Variants in ADAMTSL1 observed in about 807,000 individuals in gnomAD.
ADAMTSL1 encodes ADAMTS-like protein 1.
A neutral mutation model predicts 201.8 loss-of-function variants in ADAMTSL1; 126 were observed. The observed-to-expected ratio is 0.62, with a 90% CI of 0.54 to 0.72. The LOEUF is 0.72. ADAMTSL1 is among the 30% of genes least tolerant of loss of function. The pLI, the probability that ADAMTSL1 is intolerant of heterozygous loss-of-function variation, is 0.00. For synonymous variants in ADAMTSL1, 1,121 were observed against 903.4 expected, an observed-to-expected ratio of 1.24 and a Z score of -4.32; for missense variants, 2,679 against 2,277.8, an observed-to-expected ratio of 1.18 and a Z score of -3.59.
chr9:18,047,588 C>A (rs1184099661), intron 1 of ADAMTSL1, among the ~76,000 whole-genome samples: 1 of 151,802 alleles, frequency 6.6e-6, no homozygotes, highest in South Asian at 2.1e-4. Context: ...AAAGAGGGGG[C>A]ATTTGTTGGC....
chr9:18,647,531 T>C (rs1052225518), intron 7 of ADAMTSL1, among the ~76,000 whole-genome samples: 22 of 152,230 alleles, frequency 1.4e-4, no homozygotes, highest in South Asian at 4.1e-4. Context: ...TTTAGTGCTA[T>C]GAATTTCCCT....
intron 1 of ADAMTSL1, among the ~76,000 whole-genome samples, chr9:18,031,557 C>G (rs1363136267): frequency 6.6e-6 from 1 of 152,136 alleles, no homozygotes; most frequent in African/African-American, 2.4e-5. Context: ...AGCAGATGGT[C>G]TCTTACATAC....
intron 19 of ADAMTSL1, among the ~76,000 whole-genome samples, chr9:18,783,318 G>A (rs541946582): frequency 3.9e-4 from 59 of 152,162 alleles, no homozygotes; most frequent in African/African-American, 1.3e-3. Context: ...GATTGAAGAG[G>A]GATTCAAAAA....
chr9:18,324,203 ATGG>A (rs1834734187), intron 2 of ADAMTSL1, among the ~76,000 whole-genome samples: 1 of 152,194 alleles, frequency 6.6e-6, no homozygotes. Flanking sequence ...AGTTAATGCA[ATGG>A]GGAAAAGAAA....
intron 2 of ADAMTSL1, among the ~76,000 whole-genome samples, chr9:18,302,414 G>C (rs1833741800): frequency 6.6e-6 from 1 of 152,174 alleles, no homozygotes; most frequent in Non-Finnish European, 1.5e-5. Context: ...AAAAAGTTGA[G>C]TGCTGTTGCA....
intron 2 of ADAMTSL1, among the ~76,000 whole-genome samples, chr9:18,200,033 A>G (rs1022596293): frequency 2.0e-4 from 30 of 152,058 alleles, no homozygotes; most frequent in Admixed American, 6.6e-5. Context: ...GCTCTTAGCT[A>G]AACTTCCCCA....
At chr9:18,174,338 T>C (rs1382032594) in intron 2 of ADAMTSL1, among the ~76,000 whole-genome samples, 1 of 152,126 alleles carries the variant, frequency 6.6e-6, no homozygotes, top group Non-Finnish European at 1.5e-5. Context: ...CATCCATCAG[T>C]AGTTGAAGGC....
At chr9:18,071,077 G>C (rs1822942105) in intron 1 of ADAMTSL1, among the ~76,000 whole-genome samples, 1 of 152,176 alleles carries the variant, frequency 6.6e-6, no homozygotes, top group South Asian at 2.1e-4. Flanking sequence ...CAAAGATCAA[G>C]AATATATGGA....
At chr9:18,697,847 G>A (rs1452243432) in intron 13 of ADAMTSL1, among the ~76,000 whole-genome samples, 1 of 152,142 alleles carries the variant, frequency 6.6e-6, no homozygotes, top group African/African-American at 2.4e-5. Flanking sequence ...GAAATCAGGA[G>A]TTCCATTATG....
At chr9:18,156,517 T>C (rs1035726716) in intron 1 of ADAMTSL1, among the ~76,000 whole-genome samples, 3 of 152,040 alleles carry the variant, frequency 2.0e-5, no homozygotes, top group African/African-American at 7.2e-5. Context: ...CATTTTTATG[T>C]TCTTCTTCCT....
At chr9:18,583,870 C>T (rs1467776928) in intron 4 of ADAMTSL1, among the ~76,000 whole-genome samples, 1 of 152,136 alleles carries the variant, frequency 6.6e-6, no homozygotes, top group Non-Finnish European at 1.5e-5. Context: ...GCCAATTTCT[C>T]CCATTTGGAA....
chr9:18,264,454 T>C (rs529445159), intron 2 of ADAMTSL1, among the ~76,000 whole-genome samples: 17 of 152,206 alleles, frequency 1.1e-4, no homozygotes, highest in African/African-American at 4.1e-4. Context: ...TCTGAAGAAG[T>C]GTCCCATTCA....
Position 18,362,537 on chromosome 9 carries a change from T to C in ADAMTSL1, c.208-142292T>C, listed in dbSNP as rs564322928. 1.2e-3 allele frequency among the ~76,000 whole-genome samples: 182 copies of C among 152,314 alleles called. 1 individual carries two copies. The highest frequency in any genetic ancestry group is 4.2e-3 in the African/African-American group (174 of 41,562). ...GTTCCTTGCTTTGTGTTCTAGTTCT[T>C]AAGGAGCTGGCATTTTGCTGGCAGT... On this transcript the variant is annotated intron_variant, in intron 2 of 29. Coordinates refer to the ADAMTSL1 transcript ENST00000680146.
rs114615924 is a variant in ADAMTSL1, at chr9:18,453,632, A to G, written c.208-51197A>G. Among the ~76,000 whole-genome samples, 436 of 152,190 alleles carry G rather than the reference A, an allele frequency of 2.9e-3. 1 individual carries two copies. Among genetic ancestry groups the G allele is most frequent in the African/African-American group, 9.8e-3 (405 of 41,536 alleles). On this transcript the variant is annotated intron_variant, in intron 2 of 29. Coordinates refer to the ADAMTSL1 transcript ENST00000680146. ...TAAAATTAGCCACACAGCTCCCTCA[A>G]TATTTTGCTTGGAAATCTCTCCTGC...
intron 1 of ADAMTSL1, among the ~76,000 whole-genome samples, chr9:17,936,983 G>C (rs1035520606): frequency 6.6e-6 from 1 of 152,108 alleles, no homozygotes; most frequent in Admixed American, 6.5e-5. Context: ...CAGCCATGCA[G>C]GATGCAGCAT....
intron 2 of ADAMTSL1, among the ~76,000 whole-genome samples, chr9:18,334,511 AT>A (rs1350627054): frequency 6.6e-6 from 1 of 152,182 alleles, no homozygotes; most frequent in African/African-American, 2.4e-5. Flanking sequence ...TATATTCTAC[AT>A]TATTGGCTGG....
chr9:18,266,793 C>T (rs536859807), intron 2 of ADAMTSL1, among the ~76,000 whole-genome samples: 15 of 152,180 alleles, frequency 9.9e-5, no homozygotes, highest in African/African-American at 2.4e-4. Flanking sequence ...CTCACATTGA[C>T]GGTTCCTTTT....
At chr9:18,159,838 T>C (rs1268790036) in intron 1 of ADAMTSL1, among the ~76,000 whole-genome samples, 1 of 152,066 alleles carries the variant, frequency 6.6e-6, no homozygotes, top group Non-Finnish European at 1.5e-5. Flanking sequence ...AAATGTATAT[T>C]GCAGACATAG....
intron 2 of ADAMTSL1, among the ~76,000 whole-genome samples, chr9:18,382,431 T>C (rs148495862): frequency 0.015 from 2,337 of 152,244 alleles, 23 homozygotes; most frequent in Non-Finnish European, 0.025. Flanking sequence ...AACTCCAAAA[T>C]GCATGTCTAA....
Sources: allele counts gnomAD v4.1 joint callset (sites outside exome capture counted in the v4.1 genomes callset), GRCh38; gene constraint gnomAD v4.1.1; transcripts MANE v1.5; gene names NCBI Gene and HGNC (gene_info 2026-07-23, HGNC 2026-07-21).